The following PTPN9 variants were observed in gnomAD, a reference collection of about 807,000 sequenced individuals.
The protein encoded by PTPN9 is protein tyrosine phosphatase non-receptor type 9.
PTPN9 carries 26 observed loss-of-function variants against 69.8 expected under a neutral mutation model. That is an observed-to-expected ratio of 0.37 (90% CI 0.27 to 0.52). The LOEUF is 0.52. Among genes scored for constraint, PTPN9 ranks in the 20% least tolerant of loss-of-function variants. The probability of loss-of-function intolerance (pLI) is 0.91; values close to 1 mark genes in which losing one functional copy is unlikely to be tolerated. For missense variants in PTPN9, 549 were observed against 740.3 expected, an observed-to-expected ratio of 0.74 and a Z score of 3.00; for synonymous variants, 274 against 272.5, an observed-to-expected ratio of 1.01 and a Z score of -0.05.
At chr15:75,562,677 A>G (rs989946378) in intron 1 of PTPN9, among the ~76,000 whole-genome samples, 1 of 151,788 alleles carries the variant, frequency 6.6e-6, no homozygotes, top group African/African-American at 2.4e-5. Flanking sequence ...TAAAAAATAC[A>G]AAAAATTAGC....
chr15:75,532,985 T>C (rs544524876), intron 1 of PTPN9, among the ~76,000 whole-genome samples: 8 of 152,314 alleles, frequency 5.3e-5, no homozygotes, highest in South Asian at 2.1e-4. Flanking sequence ...GAAGGGATAA[T>C]TGAAATTCTC....
At position 75,517,231 on chromosome 15, in the gene PTPN9, AAC is replaced by A. The variant is rs755305933; in HGVS notation, c.528+26_528+27del. 4.0e-6 allele frequency: 6 copies of A among 1,514,008 alleles called. No homozygotes were observed. In the South Asian group the frequency reaches 4.8e-5, roughly 12 times the overall value. The allele number at this position is 1,514,008 out of a possible 1,614,324, so 93.8% of individuals were successfully genotyped here. On this transcript the variant is annotated intron_variant, in intron 5 of 12. Coordinates refer to ENST00000618819, the MANE Select transcript of PTPN9 (RefSeq NM_002833.4). The stretch of plus-strand genomic sequence containing the variant: ...TATATATATCCCAAGCATTGAAGGA[AAC>A]TTGAGAGGGCCCTCCATAGCCTTAC...
At chr15:75,518,804 G>A (rs1263277328) in intron 4 of PTPN9, among the ~76,000 whole-genome samples, 3 of 145,338 alleles carry the variant, frequency 2.1e-5, no homozygotes, top group South Asian at 4.4e-4. Flanking sequence ...GCAACAGAGC[G>A]AGACTCCATC....
At chr15:75,570,497 C>T (rs571670062) in intron 1 of PTPN9, among the ~76,000 whole-genome samples, 1 of 152,162 alleles carries the variant, frequency 6.6e-6, no homozygotes, top group Non-Finnish European at 1.5e-5. Flanking sequence ...AGACTGGGCA[C>T]AGTGGCTCAT....
At chr15:75,556,023 G>A (rs1271607850) in intron 1 of PTPN9, among the ~76,000 whole-genome samples, 4 of 128,488 alleles carry the variant, frequency 3.1e-5, no homozygotes, top group African/African-American at 9.0e-5. Flanking sequence ...CAAACAAAGC[G>A]AGACCCCCGT....
rs900230577 is a variant in PTPN9 at position 75,464,479 on chromosome 15, A to G, written c.*4290T>C. The G allele has an allele frequency of 6.6e-6, 1 of 152,036 alleles. No individual in the cohort carries two copies. Among genetic ancestry groups the G allele is most frequent in the Non-Finnish European group, 1.5e-5 (1 of 68,008 alleles). The allele number at this position is 152,036 out of a possible 1,614,324, so 9.4% of individuals were successfully genotyped here. A position where few individuals can be genotyped will look rare whatever the true frequency, so the allele number is the denominator to read the frequency against. On this transcript the variant is annotated 3_prime_UTR_variant, in exon 13 of 13. Coordinates refer to ENST00000618819, the MANE Select transcript of PTPN9 (RefSeq NM_002833.4). ...CAAGTAAAGGCCTAATAGCTCCTCT[A>G]TGGGTGTTTGCACTGTCTAACAAAG...
At chr15:75,530,892 ATAT>A (rs1376098412) in intron 1 of PTPN9, among the ~76,000 whole-genome samples, 2 of 116,150 alleles carry the variant, frequency 1.7e-5, no homozygotes, top group African/African-American at 3.3e-5. Flanking sequence ...ATATTATTAT[ATAT>A]TATATTATAT....
intron 11 of PTPN9, 57 bp downstream of exon 11, chr15:75,470,623 A>G: frequency 6.4e-7 from 1 of 1,568,812 alleles, no homozygotes. Context: ...GATTTTCATT[A>G]CAGTAATTAT....
chr15:75,486,324 G>A (rs2074677146), intron 8 of PTPN9, among the ~76,000 whole-genome samples: 2 of 152,120 alleles, frequency 1.3e-5, no homozygotes, highest in African/African-American at 2.4e-5. Flanking sequence ...TTAGGACCAT[G>A]AGGACAGAGC....
chr15:75,535,500 A>G (rs1396396672), intron 1 of PTPN9, among the ~76,000 whole-genome samples: 1 of 152,216 alleles, frequency 6.6e-6, no homozygotes, highest in East Asian at 1.9e-4. Context: ...AGAGGTCTCA[A>G]TACAATAAAG....
intron 5 of PTPN9, among the ~76,000 whole-genome samples, chr15:75,509,528 A>T (rs2074836089): frequency 6.6e-6 from 1 of 152,054 alleles, no homozygotes; most frequent in Non-Finnish European, 1.5e-5. Context: ...TCACTACTAA[A>T]AATACAAAAT....
chr15:75,514,916 A>T (rs1280035012), intron 5 of PTPN9, among the ~76,000 whole-genome samples: 1 of 152,168 alleles, frequency 6.6e-6, no homozygotes, highest in African/African-American at 2.4e-5. Flanking sequence ...GCTGGAGAGG[A>T]TGTAGATCAA....
rs74026504 is a variant in PTPN9 at position 75,509,309 on chromosome 15, C to T, written c.529-282G>A. ...ATCTCAACAGATATCCTACACATAC[C>T]ACACATCAGCATACATATATGCCTC... On this transcript the variant is annotated intron_variant, in intron 5 of 12. Coordinates refer to ENST00000618819, the MANE Select transcript of PTPN9 (RefSeq NM_002833.4). Among the ~76,000 whole-genome samples, 1,212 of 152,278 alleles carry T rather than the reference C, an allele frequency of 8.0e-3. 20 individuals are homozygous for T. The highest frequency in any genetic ancestry group is 0.028 in the African/African-American group (1,149 of 41,556).
chr15:75,572,619 A>C (rs1371419481), intron 1 of PTPN9, among the ~76,000 whole-genome samples: 2 of 151,486 alleles, frequency 1.3e-5, no homozygotes, highest in Non-Finnish European at 2.9e-5. Flanking sequence ...AGAGGCTGAG[A>C]CAGGAGAATC....
rs552119691 is a variant in PTPN9 at position 75,517,253 on chromosome 15, C to T, written c.528+6G>A. On this transcript the variant is annotated splice_donor_region_variant and intron_variant, in intron 5 of 12. Coordinates refer to ENST00000618819, the MANE Select transcript of PTPN9 (RefSeq NM_002833.4). ...GGAAACTTGAGAGGGCCCTCCATAGCCTTACCTTCAGCAGGTTTAGGACTT... is the reference window on the plus strand; with the variant it reads ...GGAAACTTGAGAGGGCCCTCCATAGTCTTACCTTCAGCAGGTTTAGGACTT... 6.2e-7 allele frequency: 1 copy of T among 1,605,934 alleles called. No homozygotes were observed. Among genetic ancestry groups the T allele is most frequent in the East Asian group, 2.2e-5 (1 of 44,816 alleles).
At chr15:75,571,757 G>A (rs1258553154) in intron 1 of PTPN9, among the ~76,000 whole-genome samples, 1 of 152,096 alleles carries the variant, frequency 6.6e-6, no homozygotes, top group Non-Finnish European at 1.5e-5. Context: ...GGCCAGGCAT[G>A]GTGGTGCATG....
At chr15:75,524,654 C>A (rs1267486866) in intron 2 of PTPN9, among the ~76,000 whole-genome samples, 1 of 151,126 alleles carries the variant, frequency 6.6e-6, no homozygotes, top group Admixed American at 6.6e-5. Context: ...GGTGCGCGCC[C>A]ATAATCCCAG....
intron 7 of PTPN9, among the ~76,000 whole-genome samples, chr15:75,501,718 C>T (rs1595954177): frequency 6.6e-6 from 1 of 152,222 alleles, no homozygotes; most frequent in East Asian, 1.9e-4. Flanking sequence ...CCTTTACTCC[C>T]AAAGTGCTGG....
chr15:75,571,931 C>G (rs1397934578), intron 1 of PTPN9, among the ~76,000 whole-genome samples: 1 of 152,088 alleles, frequency 6.6e-6, no homozygotes, highest in South Asian at 2.1e-4. Context: ...TAAGTACTTT[C>G]GAAAACTACT....
Sources: allele counts gnomAD v4.1 joint callset (sites outside exome capture counted in the v4.1 genomes callset), GRCh38; gene constraint gnomAD v4.1.1; transcripts MANE v1.5; gene names NCBI Gene and HGNC (gene_info 2026-07-23, HGNC 2026-07-21).